The following CCDC85A variants were observed in gnomAD, a reference collection of about 807,000 sequenced individuals.
CCDC85A encodes coiled-coil domain containing 85A.
Under a neutral mutation model 50.2 loss-of-function variants are expected in CCDC85A, and 38 were observed. The ratio of observed to expected loss-of-function variants is 0.76; its 90% confidence interval spans 0.58 to 0.99. CCDC85A has a LOEUF of 0.99. Among genes scored for constraint, CCDC85A ranks in the 50% least tolerant of loss-of-function variants. The probability of loss-of-function intolerance (pLI) is 0.00; values close to 1 mark genes in which losing one functional copy is unlikely to be tolerated. For synonymous variants in CCDC85A, 366 were observed against 301.4 expected (o/e 1.21, Z -2.22); for missense variants, 820 against 742.0 (o/e 1.11, Z -1.22).
chr2:56,345,231 A>G (rs113737722), intron 3 of CCDC85A, among the ~76,000 whole-genome samples: 2,339 of 152,232 alleles, frequency 0.015, 57 homozygotes, highest in African/African-American at 0.052. Flanking sequence ...ATGGCTAGGA[A>G]AGATCATGTT....
chr2:56,320,681 A>G (rs908361830), intron 2 of CCDC85A, among the ~76,000 whole-genome samples: 3 of 152,188 alleles, frequency 2.0e-5, no homozygotes, highest in African/African-American at 4.8e-5. Context: ...CCAGGACCAG[A>G]TGGATTCACA....
intron 2 of CCDC85A, among the ~76,000 whole-genome samples, chr2:56,315,539 G>T (rs1200117632): frequency 6.6e-6 from 1 of 152,132 alleles, no homozygotes; most frequent in African/African-American, 2.4e-5. Context: ...AGTAATGCAT[G>T]TAACTGAGTA....
At chr2:56,338,166 GAGTTCTAAAAGCCAAAAAT>G (rs1674174594) in intron 2 of CCDC85A, among the ~76,000 whole-genome samples, 3 of 152,098 alleles carry the variant, frequency 2.0e-5, no homozygotes, top group Admixed American at 2.0e-4. Flanking sequence ...CTCATTCTCA[GAGTTCTAAAAGCCAAAAAT>G]GGCATTCTGA....
At chr2:56,339,631 G>A (rs989703512) in intron 2 of CCDC85A, among the ~76,000 whole-genome samples, 12 of 152,164 alleles carry the variant, frequency 7.9e-5, no homozygotes, top group South Asian at 4.2e-4. Context: ...TGCAGCATAG[G>A]GGCAATAAAG....
At chr2:56,265,819 G>GT (rs34212019) in intron 2 of CCDC85A, among the ~76,000 whole-genome samples, 48,537 of 151,976 alleles carry the variant, frequency 0.32, 7,789 homozygotes, top group South Asian at 0.37. Flanking sequence ...AAGTAAACCA[G>GT]ATTTTGAAGA....
intron 2 of CCDC85A, among the ~76,000 whole-genome samples, chr2:56,334,019 A>G (rs1237432106): frequency 6.6e-6 from 1 of 152,154 alleles, no homozygotes; most frequent in African/African-American, 2.4e-5. Flanking sequence ...CCTCTTCTCC[A>G]AGATCTTTGC....
At chr2:56,186,535 T>C (rs1676055220) in intron 1 of CCDC85A, among the ~76,000 whole-genome samples, 1 of 152,182 alleles carries the variant, frequency 6.6e-6, no homozygotes, top group South Asian at 2.1e-4. Context: ...AAGATTTTGG[T>C]TTCTTAGGCA....
Position 56,244,781 on chromosome 2 carries a change from G to A in CCDC85A, c.1240+51341G>A, listed in dbSNP as rs529922271. On this transcript the variant is annotated intron_variant, in intron 2 of 5. Coordinates refer to ENST00000407595, the MANE Select transcript of CCDC85A (RefSeq NM_001080433.2). ...GCTCAAGGGCTTCTTTAGTCAGCAA[G>A]TGATGAATCCTGCCAGGATTGAGTC... Among the ~76,000 whole-genome samples, 45 of 152,134 alleles carry A rather than the reference G, an allele frequency of 3.0e-4. 3 individuals are homozygous for A. In the South Asian group the frequency reaches 7.9e-3, roughly 27 times the overall value.
intron 2 of CCDC85A, among the ~76,000 whole-genome samples, chr2:56,302,514 A>T (rs1672256900): frequency 6.6e-6 from 1 of 152,306 alleles, no homozygotes; most frequent in Middle Eastern, 3.4e-3. Context: ...AATGGGCATG[A>T]TCTCTAGAAT....
chr2:56,282,682 G>C (rs1671257182), intron 2 of CCDC85A, among the ~76,000 whole-genome samples: 1 of 152,102 alleles, frequency 6.6e-6, no homozygotes, highest in East Asian at 1.9e-4. Flanking sequence ...GCTAATTTTT[G>C]TATTTTTAGT....
intron 2 of CCDC85A, among the ~76,000 whole-genome samples, chr2:56,337,318 C>T (rs1674122702): frequency 1.3e-5 from 2 of 152,184 alleles, no homozygotes; most frequent in Admixed American, 6.5e-5. Context: ...ATATCGTTTG[C>T]TTCACCTTAC....
At chr2:56,218,427 A>G (rs1668181560) in intron 2 of CCDC85A, among the ~76,000 whole-genome samples, 1 of 151,930 alleles carries the variant, frequency 6.6e-6, no homozygotes, top group East Asian at 1.9e-4. Context: ...ACCATCTTCC[A>G]GCCACACAAA....
In CCDC85A at chr2:56,384,395, A is replaced by G; in HGVS notation, c.*40A>G. 2.0e-6 allele frequency: 3 copies of G among 1,517,948 alleles called. No individual in the cohort carries two copies. Among genetic ancestry groups the G allele is most frequent in the Non-Finnish European group, 2.7e-6 (3 of 1,107,146 alleles). The allele number at this position is 1,517,948 out of a possible 1,614,324, so 94.0% of individuals were successfully genotyped here. A position where few individuals can be genotyped will look rare whatever the true frequency, so the allele number is the denominator to read the frequency against. ...CAAACAGGAGATCACCACTGCCAGA[A>G]AGTGATAGAAGACAAGAAGAAAAAG... On this transcript the variant is annotated 3_prime_UTR_variant, in exon 6 of 6. Coordinates refer to ENST00000407595, the MANE Select transcript of CCDC85A (RefSeq NM_001080433.2).
chr2:56,183,923 G>A, upstream of CCDC85A: 3 of 985,426 alleles, frequency 3.0e-6, no homozygotes, highest in Non-Finnish European at 3.6e-6. Flanking sequence ...CCATGCGGGA[G>A]CTGCTGCGGG....
At chr2:56,362,097 C>T (rs140262564) in intron 3 of CCDC85A, among the ~76,000 whole-genome samples, 82 of 152,238 alleles carry the variant, frequency 5.4e-4, no homozygotes, top group African/African-American at 1.9e-3. Context: ...ATAGGTTGGG[C>T]ACTGACAGCC....
intron 2 of CCDC85A, among the ~76,000 whole-genome samples, chr2:56,196,763 A>G (rs995797118): frequency 2.6e-5 from 4 of 152,198 alleles, no homozygotes; most frequent in African/African-American, 9.7e-5. Context: ...TGCAGAAGAA[A>G]AAATAGTAAA....
At chr2:56,338,085 TTTTTAATGCA>T (rs1039415149) in intron 2 of CCDC85A, among the ~76,000 whole-genome samples, 1 of 152,112 alleles carries the variant, frequency 6.6e-6, no homozygotes, top group African/African-American at 2.4e-5. Flanking sequence ...GCCAGCTCCT[TTTTTAATGCA>T]TTATATATTT....
At position 56,317,499 on chromosome 2, in the gene CCDC85A, T is replaced by G. The variant is rs1243645131; in HGVS notation, c.1241-25380T>G. 2.0e-5 allele frequency among the ~76,000 whole-genome samples: 3 copies of G among 152,106 alleles called. No individual in the cohort carries two copies. In the East Asian group the frequency reaches 5.8e-4, roughly 29 times the overall value. On this transcript the variant is annotated intron_variant, in intron 2 of 5. Coordinates refer to ENST00000407595, the MANE Select transcript of CCDC85A (RefSeq NM_001080433.2). Reference sequence around the variant, plus strand: ...TGTCTTGCAAAGCTAAGTGGAAAATTAAACACTTAACCAGGCAACTCAGTT... The same window carrying G: ...TGTCTTGCAAAGCTAAGTGGAAAATGAAACACTTAACCAGGCAACTCAGTT...
At chr2:56,235,874 C>A (rs1459122669) in intron 2 of CCDC85A, among the ~76,000 whole-genome samples, 1 of 152,176 alleles carries the variant, frequency 6.6e-6, no homozygotes, top group Non-Finnish European at 1.5e-5. Flanking sequence ...CTGGACAAGA[C>A]AGATTCTCTT....
Sources: gnomAD v4.1 joint callset for allele counts (sites outside exome capture counted in the v4.1 genomes callset) on GRCh38, gnomAD v4.1.1 for gene constraint, MANE v1.5 for transcripts, NCBI Gene and HGNC (gene_info 2026-07-23, HGNC 2026-07-21) for gene names.